KIF26B: variants seen among roughly 807,000 people sequenced by gnomAD.
The protein encoded by KIF26B is kinesin family member 26B, also known as kinesin-like protein KIF26B.
In KIF26B, 63 loss-of-function variants were observed where a neutral mutation model predicts 151.2. The observed-to-expected ratio is 0.42, with a 90% CI of 0.34 to 0.51. The LOEUF (loss-of-function observed/expected upper bound fraction) is 0.51, where lower values mean the gene tolerates loss of function less well. KIF26B is among the 20% of genes least tolerant of loss of function. The pLI is 0.07. For missense variants in KIF26B, 2,813 were observed against 2,913.6 expected, an observed-to-expected ratio of 0.97 and a Z score of 0.79; for synonymous variants, 1,357 against 1,262.1, an observed-to-expected ratio of 1.08 and a Z score of -1.59.
At chr1:245,261,060 C>CTCCT (rs1317496528) in intron 2 of KIF26B, among the ~76,000 whole-genome samples, 1 of 150,534 alleles carries the variant, frequency 6.6e-6, no homozygotes, top group African/African-American at 2.4e-5. Flanking sequence ...CTCTCTCTCT[C>CTCCT]TCCTTCCTTC....
intron 9 of KIF26B, among the ~76,000 whole-genome samples, chr1:245,621,443 T>C (rs1312459408): frequency 5.9e-5 from 9 of 152,174 alleles, no homozygotes; most frequent in Admixed American, 3.9e-4. Flanking sequence ...CTTAATAAAG[T>C]GTGGCTCAGG....
intron 9 of KIF26B, among the ~76,000 whole-genome samples, chr1:245,620,222 A>C (rs1357372468): frequency 6.6e-6 from 1 of 152,154 alleles, no homozygotes; most frequent in Non-Finnish European, 1.5e-5. Context: ...CAATTCAATT[A>C]ATTTGACTTC....
At chr1:245,261,502 TCCCTCC>T (rs1304589207) in intron 2 of KIF26B, among the ~76,000 whole-genome samples, 34 of 80,448 alleles carry the variant, frequency 4.2e-4, no homozygotes, top group African/African-American at 9.8e-4. Context: ...TCTCTCTCTC[TCCCTCC>T]CTCCCTCCCT....
At chr1:245,269,777 C>CT (rs551572763) in intron 2 of KIF26B, among the ~76,000 whole-genome samples, 6 of 151,008 alleles carry the variant, frequency 4.0e-5, no homozygotes, top group African/African-American at 1.2e-4. Context: ...CCCCTGCCAC[C>CT]TTTTTTTTTA....
rs1660322871 is a variant in KIF26B at position 245,488,206 on chromosome 1, GCCA to G, written c.1167-52556_1167-52554del. On this transcript the variant is annotated intron_variant, in intron 4 of 14. Transcript: ENST00000407071. The surrounding 1 kb of genome is among the most constrained non-coding windows in gnomAD (Gnocchi z 4.6). ...CAAAGCACTGAGATTACCAGCGTGA[GCCA>G]CCACACTGGCCAACCCAGACTTTCC... 6.6e-6 allele frequency among the ~76,000 whole-genome samples: 1 copy of G among 152,102 alleles called. No homozygotes were observed. The highest frequency in any genetic ancestry group is 2.4e-5 in the African/African-American group (1 of 41,404).
At position 245,391,929 on chromosome 1, in the gene KIF26B, GGAAAGAACTCTTCAGAAAGATGGAAT is replaced by G. The variant is rs1408972307; in HGVS notation, c.999+24565_999+24590del. Among the ~76,000 whole-genome samples the G allele has an allele frequency of 3.9e-5, 6 of 151,960 alleles. No individual in the cohort carries two copies. In the East Asian group the frequency reaches 1.2e-3, roughly 29 times the overall value. The stretch of plus-strand genomic sequence containing the variant: ...GACTGGAGCAGATCAGGAGACCCTG[GGAAAGAACTCTTCAGAAAGATGGAAT>G]GATTCTTATAACTCCTATGCTGGAA... On this transcript the variant is annotated intron_variant, in intron 3 of 14. Coordinates refer to ENST00000407071, the MANE Select transcript of KIF26B (RefSeq NM_018012.4).
At chr1:245,505,020 C>T (rs1660704186) in intron 4 of KIF26B, among the ~76,000 whole-genome samples, 1 of 151,904 alleles carries the variant, frequency 6.6e-6, no homozygotes, top group Admixed American at 6.5e-5. Flanking sequence ...CTCACTGCAA[C>T]CTCCGCCTCC....
chr1:245,404,798 A>G lies in KIF26B; in HGVS notation c.1000-14781A>G, dbSNP rs982088590. On this transcript the variant is annotated intron_variant, in intron 3 of 14. Coordinates refer to ENST00000407071, the MANE Select transcript of KIF26B (RefSeq NM_018012.4). ...AGCTTTGTCTCTGTGCTAATGATGCAGAGAGCAGGGAAGTGATGAGAAAAT... is the reference window on the plus strand; with the variant it reads ...AGCTTTGTCTCTGTGCTAATGATGCGGAGAGCAGGGAAGTGATGAGAAAAT... Among the ~76,000 whole-genome samples the G allele has an allele frequency of 3.9e-5, 6 of 152,356 alleles. No homozygotes were observed. In the South Asian group the frequency reaches 6.2e-4, roughly 16 times the overall value.
chr1:245,232,712 G>A (rs1490162848), intron 2 of KIF26B, among the ~76,000 whole-genome samples: 3 of 152,016 alleles, frequency 2.0e-5, no homozygotes, highest in Admixed American at 6.6e-5. Context: ...CACCACTCCC[G>A]GCTAATTTTG....
chr1:245,551,381 C>T (rs1030974722), intron 5 of KIF26B, among the ~76,000 whole-genome samples: 1 of 152,224 alleles, frequency 6.6e-6, no homozygotes, highest in Admixed American at 6.5e-5. Flanking sequence ...ATCATATTTG[C>T]ACAAGAAGAT....
At position 245,687,926 on chromosome 1, in the gene KIF26B, C is replaced by G; in HGVS notation, c.4943C>G (p.Ala1648Gly). The part of the protein sequence containing the change: ...PDEPSGKTKD[A>G]SSSSKLFSAK... ...GAGCCTAGCGGCAAGACGAAGGACG[C>G]CAGCAGCAGCAGCAAGCTCTTCAGT... The change falls in exon 12 of 15, where the codon GCC becomes GGC. Residue 1648 changes from alanine (A) to glycine (G), a missense_variant. This residue lies in a region of KIF26B where 2,060 missense variants were observed against 2,088.6 expected (regional missense o/e 0.99). Coordinates refer to ENST00000407071, the MANE Select transcript of KIF26B (RefSeq NM_018012.4). The surrounding 1 kb of genome is among the most constrained non-coding windows in gnomAD (Gnocchi z 4.9). 6.3e-7 allele frequency: 1 copy of G among 1,594,026 alleles called. No homozygotes were observed. Among genetic ancestry groups the G allele is most frequent in the South Asian group, 1.1e-5 (1 of 87,652 alleles).
Position 245,374,006 on chromosome 1 carries a change from T to C in KIF26B, c.999+6639T>C, listed in dbSNP as rs143356511. Among the ~76,000 whole-genome samples, 931 of 128,438 alleles carry C rather than the reference T, an allele frequency of 7.2e-3. 29 individuals are homozygous for C. Among genetic ancestry groups the C allele is most frequent in the Middle Eastern group, 0.04 (7 of 176 alleles). 84.3% of individuals were successfully genotyped at this position (128,438 alleles called of 152,430 possible). ...CCAGGAGTTCCAGGCTGCAGGAAGA[T>C]GTGATTGTACCACTGCCTGTAACCT... On this transcript the variant is annotated intron_variant, in intron 3 of 14. Transcript: ENST00000407071.
At chr1:245,254,870 C>G (rs533157107) in intron 2 of KIF26B, among the ~76,000 whole-genome samples, 3 of 152,268 alleles carry the variant, frequency 2.0e-5, no homozygotes, top group African/African-American at 7.2e-5. Context: ...TGGCTTATGA[C>G]ATAGCAATTC....
At chr1:245,299,745 C>T (rs938982856) in intron 2 of KIF26B, among the ~76,000 whole-genome samples, 1 of 152,130 alleles carries the variant, frequency 6.6e-6, no homozygotes. Context: ...ATGCTTTCTA[C>T]CGTTCTGCTG....
intron 4 of KIF26B, among the ~76,000 whole-genome samples, chr1:245,444,880 A>C (rs1459519828): frequency 6.6e-6 from 1 of 152,202 alleles, no homozygotes; most frequent in African/African-American, 2.4e-5. Flanking sequence ...TCTTTCTTCG[A>C]AACCAATAGC....
intron 5 of KIF26B, among the ~76,000 whole-genome samples, chr1:245,581,328 C>T (rs1304128164): frequency 6.6e-6 from 1 of 152,174 alleles, no homozygotes; most frequent in Non-Finnish European, 1.5e-5. Flanking sequence ...CTATTGATGG[C>T]TTTGCTCTTG....
intron 9 of KIF26B, among the ~76,000 whole-genome samples, chr1:245,636,839 T>C (rs532964248): frequency 6.6e-6 from 1 of 150,652 alleles, no homozygotes; most frequent in Admixed American, 6.7e-5. Context: ...TTCATTATTT[T>C]TATGGCTGAA....
intron 2 of KIF26B, among the ~76,000 whole-genome samples, chr1:245,321,288 C>A (rs570740906): frequency 3.0e-4 from 46 of 152,332 alleles, no homozygotes; most frequent in Middle Eastern, 6.8e-3. Flanking sequence ...TGATGTGTTT[C>A]CTTCGTTGGT....
chr1:245,195,019 C>G (rs1182270255), intron 2 of KIF26B, among the ~76,000 whole-genome samples: 6 of 152,146 alleles, frequency 3.9e-5, no homozygotes. Context: ...ATAAAGGCAA[C>G]TAGTTGGGAG....
Sources: allele counts gnomAD v4.1 joint callset (sites outside exome capture counted in the v4.1 genomes callset), GRCh38; gene constraint gnomAD v4.1.1; regional missense constraint gnomAD v4.1.1; non-coding constraint Gnocchi (gnomAD v3.1); transcripts MANE v1.5; gene names NCBI Gene and HGNC (gene_info 2026-07-23, HGNC 2026-07-21).